Variants in DPYD observed in about 807,000 individuals in gnomAD.
DPYD encodes dihydropyrimidine dehydrogenase.
DPYD carries 109 observed loss-of-function variants against 116.2 expected under a neutral mutation model. That is an observed-to-expected ratio of 0.94 (90% CI 0.80 to 1.10). The LOEUF (loss-of-function observed/expected upper bound fraction) is 1.10. Ranked by LOEUF, DPYD falls within the 50% of genes least tolerant of loss-of-function variation. DPYD has a pLI of 0.00. For missense variants in DPYD, 1,302 were observed against 1,254.5 expected, an observed-to-expected ratio of 1.04 and a Z score of -0.57; for synonymous variants, 440 against 432.0, an observed-to-expected ratio of 1.02 and a Z score of -0.23.
At position 97,246,735 on chromosome 1, in the gene DPYD, C is replaced by A. The variant is rs550894151; in HGVS notation, c.2300-11741G>T. ...GCTACCAATATCAATTTCTATATGG[C>A]ATTTTACTTTTTAAAATGCATTAAA... is the stretch of plus-strand genomic sequence containing the variant. On this transcript the variant is annotated intron_variant, in intron 18 of 22. Transcript: ENST00000370192. Among the ~76,000 whole-genome samples the A allele has an allele frequency of 3.5e-4, 54 of 152,142 alleles. No homozygotes were observed. The South Asian group carries it at 0.011, about 32-fold the overall frequency.
chr1:97,687,276 TCAAACAAA>T (rs960822175), intron 7 of DPYD, among the ~76,000 whole-genome samples: 3 of 151,744 alleles, frequency 2.0e-5, no homozygotes, highest in South Asian at 2.1e-4. Flanking sequence ...ATCCTCCATC[TCAAACAAA>T]CAAACAAACA....
chr1:97,103,294 C>A (rs183640571), intron 20 of DPYD, among the ~76,000 whole-genome samples: 11 of 152,148 alleles, frequency 7.2e-5, no homozygotes, highest in Admixed American at 6.6e-4. Flanking sequence ...ATTTCAAAAT[C>A]AGTTTTAGCA....
chr1:97,807,474 T>C (rs749689700), intron 3 of DPYD, among the ~76,000 whole-genome samples: 1 of 152,144 alleles, frequency 6.6e-6, no homozygotes, highest in Non-Finnish European at 1.5e-5. Flanking sequence ...CTCTTGCCCA[T>C]TTTAAAATCA....
chr1:97,303,265 T>C (rs1382530408), intron 18 of DPYD, among the ~76,000 whole-genome samples: 1 of 152,036 alleles, frequency 6.6e-6, no homozygotes, highest in Non-Finnish European at 1.5e-5. Context: ...GTTTTCACTT[T>C]TTAAAAATCT....
intron 20 of DPYD, among the ~76,000 whole-genome samples, chr1:97,188,181 C>T (rs1455461293): frequency 6.6e-6 from 1 of 152,112 alleles, no homozygotes; most frequent in African/African-American, 2.4e-5. Context: ...AGTTGCTGTA[C>T]AACCACCATG....
At chr1:97,496,783 T>G (rs763739552) in intron 13 of DPYD, among the ~76,000 whole-genome samples, 3 of 151,954 alleles carry the variant, frequency 2.0e-5, no homozygotes. Flanking sequence ...TCTCATAGCA[T>G]GTTTTCTCAC....
At chr1:97,365,987 T>C (rs1175572514) in intron 16 of DPYD, among the ~76,000 whole-genome samples, 3 of 152,166 alleles carry the variant, frequency 2.0e-5, no homozygotes, top group African/African-American at 7.2e-5. Context: ...AAAACAACAA[T>C]ATTTCCTGAC....
At chr1:97,623,007 A>T (rs1051324690) in intron 8 of DPYD, among the ~76,000 whole-genome samples, 2 of 152,104 alleles carry the variant, frequency 1.3e-5, no homozygotes, top group African/African-American at 2.4e-5. Context: ...AGATGCAAAG[A>T]CTTCAGGCAA....
At chr1:97,132,945 C>T (rs1262438357) in intron 20 of DPYD, among the ~76,000 whole-genome samples, 1 of 151,976 alleles carries the variant, frequency 6.6e-6, no homozygotes, top group Admixed American at 6.6e-5. Context: ...CAGTTTCAAA[C>T]CAATACTTGA....
intron 13 of DPYD, among the ~76,000 whole-genome samples, chr1:97,465,292 G>C (rs1677254086): frequency 6.6e-6 from 1 of 152,220 alleles, no homozygotes; most frequent in East Asian, 1.9e-4. Context: ...GCCTTGTATT[G>C]GATGAGACTT....
intron 19 of DPYD, among the ~76,000 whole-genome samples, chr1:97,224,204 G>A (rs1258032542): frequency 2.0e-5 from 3 of 152,028 alleles, no homozygotes; most frequent in African/African-American, 7.2e-5. Context: ...ATTTACCCAG[G>A]AAGGCAAGCC....
At chr1:97,465,056 G>A (rs145649829) in intron 13 of DPYD, among the ~76,000 whole-genome samples, 3 of 152,324 alleles carry the variant, frequency 2.0e-5, no homozygotes, top group Middle Eastern at 3.4e-3. Context: ...TCTTGCATCA[G>A]CATGACCTGG....
At chr1:97,885,768 C>T (rs1672456237) in intron 1 of DPYD, among the ~76,000 whole-genome samples, 1 of 152,020 alleles carries the variant, frequency 6.6e-6, no homozygotes, top group South Asian at 2.1e-4. Context: ...CTCTGTTTTT[C>T]TGAGTATGGG....
At chr1:97,430,393 GAGA>G (rs1675107287) in intron 14 of DPYD, among the ~76,000 whole-genome samples, 1 of 152,162 alleles carries the variant, frequency 6.6e-6, no homozygotes, top group Admixed American at 6.5e-5. Context: ...GATTCTAAAT[GAGA>G]AGAATAATTT....
At chr1:97,198,468 A>G (rs1157440574) in intron 19 of DPYD, among the ~76,000 whole-genome samples, 10 of 152,198 alleles carry the variant, frequency 6.6e-5, no homozygotes, top group Non-Finnish European at 1.5e-5. Context: ...CAAGTGCACC[A>G]TTGAGAACAG....
At chr1:97,237,051 C>A (rs549116822) in intron 18 of DPYD, among the ~76,000 whole-genome samples, 1 of 151,838 alleles carries the variant, frequency 6.6e-6, no homozygotes, top group Non-Finnish European at 1.5e-5. Context: ...ACCAGCCTGG[C>A]CAACATGGTA....
intron 13 of DPYD, among the ~76,000 whole-genome samples, chr1:97,458,409 T>C (rs528766981): frequency 1.6e-3 from 245 of 152,218 alleles, no homozygotes; most frequent in African/African-American, 5.6e-3. Context: ...AGGATATGAT[T>C]TTTTCTAAAA....
intron 14 of DPYD, among the ~76,000 whole-genome samples, chr1:97,434,058 C>T (rs146170327): frequency 1.3e-5 from 2 of 152,142 alleles, no homozygotes; most frequent in Admixed American, 6.5e-5. Flanking sequence ...ACAAAACAGT[C>T]ACTGATCATT....
chr1:97,594,941 C>A, intron 9 of DPYD, 118 bp downstream of exon 9: 10 of 537,082 alleles, frequency 1.9e-5, no homozygotes, highest in East Asian at 4.4e-5. Flanking sequence ...ACATTTGGGT[C>A]TTAGGCAAGG....
Sources: gnomAD v4.1 joint callset for allele counts (sites outside exome capture counted in the v4.1 genomes callset) on GRCh38, gnomAD v4.1.1 for gene constraint, MANE v1.5 for transcripts, NCBI Gene and HGNC (gene_info 2026-07-23, HGNC 2026-07-21) for gene names.